The following FRMD5 variants were observed in gnomAD, a reference collection of about 807,000 sequenced individuals.
FRMD5 encodes the protein FERM domain containing 5.
FRMD5 carries 20 observed loss-of-function variants against 69.0 expected under a neutral mutation model. The ratio of observed to expected loss-of-function variants is 0.29; its 90% CI spans 0.20 to 0.42. The LOEUF is 0.42. Ranked by LOEUF, FRMD5 falls within the 10% of genes least tolerant of loss-of-function variation. The pLI is 1.00. For synonymous variants in FRMD5, 271 were observed against 260.1 expected (o/e 1.04, Z -0.40); for missense variants, 595 against 708.6 (o/e 0.84, Z 1.82).
At chr15:44,094,970 G>A (rs528309463) in intron 1 of FRMD5, among the ~76,000 whole-genome samples, 26 of 152,028 alleles carry the variant, frequency 1.7e-4, no homozygotes, top group African/African-American at 6.0e-4. Flanking sequence ...AGTGATTCAC[G>A]ATGCATTACT....
chr15:44,041,986 T>C (rs998347939), intron 1 of FRMD5, among the ~76,000 whole-genome samples: 2 of 151,954 alleles, frequency 1.3e-5, no homozygotes, highest in Admixed American at 6.6e-5. Flanking sequence ...AATCAATGAA[T>C]CCAAGAGCTG....
In FRMD5 at chr15:43,876,528, AAG is replaced by A. The variant is rs371903009; in HGVS notation, c.1136-2068_1136-2067del. ...ACTGTAACTATAAAATTTTTAATAA[AAG>A]AGAGGTAGGAATGGGGAGAAGGGGA... On this transcript the variant is annotated intron_variant, in intron 13 of 13. Coordinates refer to ENST00000417257, the MANE Select transcript of FRMD5 (RefSeq NM_032892.5). Among the ~76,000 whole-genome samples, 410 of 152,304 alleles carry A rather than the reference AAG, an allele frequency of 2.7e-3. 3 individuals are homozygous for A. The highest frequency in any genetic ancestry group is 9.3e-3 in the African/African-American group (386 of 41,560).
At chr15:44,021,289 T>C (rs1891198372) in intron 1 of FRMD5, among the ~76,000 whole-genome samples, 1 of 152,160 alleles carries the variant, frequency 6.6e-6, no homozygotes, top group Admixed American at 6.6e-5. Flanking sequence ...AATATACATA[T>C]ATATGTAAGT....
At chr15:43,967,730 T>G (rs1315642123) in intron 1 of FRMD5, among the ~76,000 whole-genome samples, 1 of 152,122 alleles carries the variant, frequency 6.6e-6, no homozygotes, top group Non-Finnish European at 1.5e-5. Flanking sequence ...TTCCTATTTT[T>G]TTTTGGTCTG....
intron 1 of FRMD5, among the ~76,000 whole-genome samples, chr15:44,142,554 T>G (rs2077289263): frequency 6.6e-6 from 1 of 152,134 alleles, no homozygotes. Flanking sequence ...CTATGGGAAA[T>G]ATATAACTAT....
intron 1 of FRMD5, among the ~76,000 whole-genome samples, chr15:44,161,002 T>C (rs2077607953): frequency 6.6e-6 from 1 of 152,220 alleles, no homozygotes; most frequent in Admixed American, 6.5e-5. Context: ...ATTCACTAAA[T>C]AGCACCCTCG....
intron 1 of FRMD5, among the ~76,000 whole-genome samples, chr15:44,175,880 A>C (rs2077885997): frequency 6.6e-6 from 1 of 152,176 alleles, no homozygotes; most frequent in Non-Finnish European, 1.5e-5. Context: ...AAAATTAAAG[A>C]TCCAAATAAA....
intron 1 of FRMD5, among the ~76,000 whole-genome samples, chr15:43,987,598 A>C (rs1889457530): frequency 6.6e-6 from 1 of 152,114 alleles, no homozygotes; most frequent in African/African-American, 2.4e-5. Context: ...TCTGTCACCC[A>C]AGCTAGAGTG....
At chr15:43,932,348 CT>C (rs1398679158) in intron 1 of FRMD5, among the ~76,000 whole-genome samples, 1 of 152,166 alleles carries the variant, frequency 6.6e-6, no homozygotes, top group Non-Finnish European at 1.5e-5. Flanking sequence ...CCCAAAGTGG[CT>C]CTTAAAGTAC....
chr15:44,009,776 A>G (rs1890629163), intron 1 of FRMD5, among the ~76,000 whole-genome samples: 1 of 152,202 alleles, frequency 6.6e-6, no homozygotes, highest in South Asian at 2.1e-4. Context: ...AAAGGCCCAG[A>G]GAACAGGCTG....
At chr15:44,197,341 A>G (rs754867696), upstream of FRMD5, among the ~76,000 whole-genome samples, 2 of 152,222 alleles carry the variant, frequency 1.3e-5, no homozygotes, top group Non-Finnish European at 2.9e-5. Context: ...AATATGCCAA[A>G]GTGATATTCT....
At chr15:44,016,838 A>AT (rs1491113293) in intron 1 of FRMD5, among the ~76,000 whole-genome samples, 4 of 33,208 alleles carry the variant, frequency 1.2e-4, no homozygotes, top group African/African-American at 1.7e-4. Flanking sequence ...TAGTTCACAT[A>AT]ATTTTTTTTT....
chr15:44,104,812 C>G (rs1204562061), intron 1 of FRMD5, among the ~76,000 whole-genome samples: 1 of 152,144 alleles, frequency 6.6e-6, no homozygotes, highest in Admixed American at 6.5e-5. Flanking sequence ...AGTAATGACA[C>G]ATGACTGTAA....
At chr15:44,173,570 T>G (rs2077841645) in intron 1 of FRMD5, among the ~76,000 whole-genome samples, 2 of 152,028 alleles carry the variant, frequency 1.3e-5, no homozygotes, top group South Asian at 4.2e-4. Context: ...CAGGCTGGAG[T>G]GCAGTGGCAC....
chr15:44,180,662 T>G lies in FRMD5; in HGVS notation c.102+14291A>C, dbSNP rs181581535. 3.9e-3 allele frequency among the ~76,000 whole-genome samples: 598 copies of G among 151,986 alleles called. 5 individuals are homozygous for G. Among genetic ancestry groups the G allele is most frequent in the African/African-American group, 0.013 (559 of 41,436 alleles). ...TAGCCAGGCGTGGTGGTGGGCACCTTTAATCCCAGCTACTCAGGAGGCTGA... is the reference window on the plus strand; with the variant it reads ...TAGCCAGGCGTGGTGGTGGGCACCTGTAATCCCAGCTACTCAGGAGGCTGA... On this transcript the variant is annotated intron_variant, in intron 1 of 13. Transcript: ENST00000417257.
At chr15:43,989,519 T>G (rs1889565692) in intron 1 of FRMD5, 1 of 898,476 alleles carries the variant, frequency 1.1e-6, no homozygotes, top group African/African-American at 1.6e-5. Flanking sequence ...CTGCTCGAAG[T>G]CCAGGGTGAC....
intron 1 of FRMD5, among the ~76,000 whole-genome samples, chr15:44,159,853 A>G (rs1460160145): frequency 1.3e-5 from 2 of 152,192 alleles, no homozygotes; most frequent in Non-Finnish European, 2.9e-5. Context: ...ATACCTTTAA[A>G]TAGAATCCAG....
At position 43,909,953 on chromosome 15, in the gene FRMD5, CT is replaced by C; in HGVS notation, c.355del (p.Arg119GlyfsTer18). The C allele has an allele frequency of 6.2e-7, 1 of 1,610,328 alleles. No individual in the cohort carries two copies. Among genetic ancestry groups the C allele is most frequent in the South Asian group, 1.1e-5 (1 of 90,896 alleles). On this transcript the variant is annotated frameshift_variant, in exon 5 of 14. Coordinates refer to ENST00000417257, the MANE Select transcript of FRMD5 (RefSeq NM_032892.5). LOFTEE classifies it high-confidence loss of function. Reference sequence around the variant, plus strand: ...GAGGAGTCGGCCATGGTAGAGATCCCTTTTGATCTGCAGGAAGACTAAATAC... The same window carrying C: ...GAGGAGTCGGCCATGGTAGAGATCCCTTTGATCTGCAGGAAGACTAAATAC... ...TRYLVFLQIK[R>X]DLYHGRLLCK...
At chr15:43,893,993 T>C (rs1313423183) in intron 7 of FRMD5, among the ~76,000 whole-genome samples, 1 of 152,210 alleles carries the variant, frequency 6.6e-6, no homozygotes, top group African/African-American at 2.4e-5. Flanking sequence ...TCAGGGTCTG[T>C]CATGATCCAG....
Sources: gnomAD v4.1 joint callset for allele counts (sites outside exome capture counted in the v4.1 genomes callset) on GRCh38, gnomAD v4.1.1 for gene constraint, MANE v1.5 for transcripts, NCBI Gene and HGNC (gene_info 2026-07-23, HGNC 2026-07-21) for gene names.